USH2A: variants seen among roughly 807,000 people sequenced by gnomAD.
USH2A encodes the protein Usher syndrome 2A (autosomal recessive, mild).
Under a neutral mutation model 538.9 loss-of-function variants are expected in USH2A, and 443 were observed. That is an observed-to-expected ratio of 0.82 (90% CI 0.76 to 0.89). The LOEUF is 0.89. Among genes scored for constraint, USH2A ranks in the 40% least tolerant of loss-of-function variants. The pLI, the probability that USH2A is intolerant of heterozygous loss-of-function variation, is 0.00. For synonymous variants in USH2A, 2,413 were observed against 2,273.5 expected (o/e 1.06, Z -1.75); for missense variants, 6,633 against 6,324.8 (o/e 1.05, Z -1.65).
intron 44 of USH2A, among the ~76,000 whole-genome samples, chr1:215,853,828 C>G (rs926070760): frequency 5.3e-5 from 8 of 152,204 alleles, no homozygotes; most frequent in Non-Finnish European, 8.8e-5. Flanking sequence ...CCATCTGAGA[C>G]CACCTCAGAC....
chr1:215,793,996 C>G (rs1055102112), intron 50 of USH2A, among the ~76,000 whole-genome samples: 6 of 151,926 alleles, frequency 3.9e-5, no homozygotes, highest in African/African-American at 1.2e-4. Context: ...TAAGCAAACA[C>G]TAAGAAAAAA....
At chr1:215,784,849 A>G (rs1313318350) in intron 52 of USH2A, among the ~76,000 whole-genome samples, 1 of 152,196 alleles carries the variant, frequency 6.6e-6, no homozygotes, top group Non-Finnish European at 1.5e-5. Context: ...GGAAACATCT[A>G]TTCACTTCTG....
intron 62 of USH2A, among the ~76,000 whole-genome samples, chr1:215,679,770 A>G (rs1658162754): frequency 2.6e-5 from 4 of 152,240 alleles, no homozygotes; most frequent in Admixed American, 2.6e-4. Flanking sequence ...GGAGGCAGTA[A>G]GAACACAGTC....
At chr1:215,871,566 AT>A (rs1664624700) in intron 43 of USH2A, among the ~76,000 whole-genome samples, 1 of 152,184 alleles carries the variant, frequency 6.6e-6, no homozygotes, top group Non-Finnish European at 1.5e-5. Context: ...GCTTTTTCAT[AT>A]TTAATACATC....
rs554141548 is a variant in USH2A at position 216,401,642 on chromosome 1, G to T, written c.651+16872C>A. ...GCAAACATTAATCAAAAGAAAAAAG[G>T]AATAACTAGTAACTATCAAATAGCA... On this transcript the variant is annotated intron_variant, in intron 3 of 71. Coordinates refer to ENST00000307340, the MANE Select transcript of USH2A (RefSeq NM_206933.4). Among the ~76,000 whole-genome samples, 5 of 152,034 alleles carry T rather than the reference G, an allele frequency of 3.3e-5. No homozygotes were observed. In the South Asian group the frequency reaches 1.0e-3, roughly 32 times the overall value.
chr1:215,757,580 C>T (rs560580102), intron 58 of USH2A, among the ~76,000 whole-genome samples: 71 of 152,272 alleles, frequency 4.7e-4, no homozygotes, highest in African/African-American at 1.7e-3. Flanking sequence ...AATAAAGTCA[C>T]ATAATTTTGA....
chr1:215,811,618 C>G (rs1434599539), intron 49 of USH2A, among the ~76,000 whole-genome samples: 1 of 151,744 alleles, frequency 6.6e-6, no homozygotes, highest in African/African-American at 2.4e-5. Context: ...AAAAAAAACC[C>G]TAGGCTGGGC....
At chr1:215,748,284 T>A (rs72740650) in intron 58 of USH2A, among the ~76,000 whole-genome samples, 7,595 of 152,204 alleles carry the variant, frequency 0.05, 222 homozygotes, top group African/African-American at 0.075. Flanking sequence ...AGGGGAAGAA[T>A]TGCCGGGACC....
chr1:216,152,460 C>T (rs2033857216), intron 21 of USH2A, among the ~76,000 whole-genome samples: 1 of 150,818 alleles, frequency 6.6e-6, no homozygotes, highest in South Asian at 2.1e-4. Context: ...TTGCGACCCC[C>T]ACTCCTGCCC....
intron 3 of USH2A, among the ~76,000 whole-genome samples, chr1:216,404,366 T>C (rs1158609622): frequency 6.6e-6 from 1 of 152,150 alleles, no homozygotes; most frequent in Admixed American, 6.6e-5. Flanking sequence ...AATAGCAGGA[T>C]AAAGTAGAAG....
chr1:216,110,745 G>A (rs919926534), intron 21 of USH2A, among the ~76,000 whole-genome samples: 6 of 152,176 alleles, frequency 3.9e-5, no homozygotes, highest in African/African-American at 1.4e-4. Flanking sequence ...GTTCACAGAA[G>A]CTGTGATGGT....
intron 38 of USH2A, among the ~76,000 whole-genome samples, chr1:215,924,452 A>C (rs1666182585): frequency 6.6e-6 from 1 of 152,108 alleles, no homozygotes; most frequent in Admixed American, 6.6e-5. Flanking sequence ...TGTTCATAGA[A>C]TTTTATGCAA....
At chr1:216,215,619 T>G (rs1316578449) in intron 15 of USH2A, among the ~76,000 whole-genome samples, 1 of 152,134 alleles carries the variant, frequency 6.6e-6, no homozygotes, top group Admixed American at 6.6e-5. Flanking sequence ...CCTCTGCTGA[T>G]GCTGAGCTTC....
At chr1:215,827,183 G>A (rs1663179859) in intron 47 of USH2A, among the ~76,000 whole-genome samples, 1 of 152,178 alleles carries the variant, frequency 6.6e-6, no homozygotes, top group East Asian at 1.9e-4. Context: ...AACTACCTGA[G>A]CAAGGTAGGG....
Position 216,217,553 on chromosome 1 carries a change from G to A in USH2A, c.2994-3C>T. The A allele has an allele frequency of 6.2e-7, 1 of 1,612,718 alleles. No individual in the cohort carries two copies. ...GATGACAATTACAAGGCTGACATCT[G>A]AAAACAAGGCAAATAAACCATCAAA... is the stretch of plus-strand genomic sequence containing the variant. On this transcript the variant is annotated splice_region_variant and splice_polypyrimidine_tract_variant and intron_variant, in intron 14 of 71. Coordinates refer to ENST00000307340, the MANE Select transcript of USH2A (RefSeq NM_206933.4).
At chr1:215,764,708 C>A (rs906219568) in intron 56 of USH2A, among the ~76,000 whole-genome samples, 1 of 152,080 alleles carries the variant, frequency 6.6e-6, no homozygotes, top group African/African-American at 2.4e-5. Context: ...TCGAAAATGG[C>A]ATTTTATAAT....
intron 14 of USH2A, among the ~76,000 whole-genome samples, chr1:216,225,825 G>A (rs2035549517): frequency 6.6e-6 from 1 of 152,130 alleles, no homozygotes; most frequent in Non-Finnish European, 1.5e-5. Context: ...TTAGTTCTGT[G>A]CTGACTATAT....
intron 38 of USH2A, among the ~76,000 whole-genome samples, chr1:215,905,989 G>A (rs1665631283): frequency 6.6e-6 from 1 of 152,040 alleles, no homozygotes; most frequent in African/African-American, 2.4e-5. Flanking sequence ...ATGAGCAAGG[G>A]TTTTAAATTC....
chr1:215,858,509 G>A lies in USH2A; in HGVS notation c.8845+8498C>T, dbSNP rs114029936. Among the ~76,000 whole-genome samples the A allele has an allele frequency of 7.8e-3, 1,161 of 148,352 alleles. 12 individuals carry two copies. The highest frequency in any genetic ancestry group is 0.013 in the Non-Finnish European group (876 of 67,446). On this transcript the variant is annotated intron_variant, in intron 44 of 71. Coordinates refer to ENST00000307340, the MANE Select transcript of USH2A (RefSeq NM_206933.4). ...CTCTCTCTCACCTATCTCGCATGTC[G>A]TCTCTTCACCTTCTGCCATGATCGT...
Sources: gnomAD v4.1 joint callset for allele counts (sites outside exome capture counted in the v4.1 genomes callset) on GRCh38, gnomAD v4.1.1 for gene constraint, MANE v1.5 for transcripts, NCBI Gene and HGNC (gene_info 2026-07-23, HGNC 2026-07-21) for gene names.